Variants in SLC24A3 observed in about 807,000 individuals in gnomAD.
SLC24A3 encodes solute carrier family 24 member 3.
SLC24A3 carries 28 observed loss-of-function variants against 75.8 expected under a neutral mutation model. That is an observed-to-expected ratio of 0.37 (90% CI 0.27 to 0.51). The LOEUF is 0.51. Ranked by LOEUF, SLC24A3 falls within the 20% of genes least tolerant of loss-of-function variation. The pLI is 0.94. For synonymous variants in SLC24A3, 372 were observed against 334.1 expected (o/e 1.11, Z -1.24); for missense variants, 663 against 847.8 (o/e 0.78, Z 2.71).
chr20:19,631,791 A>AGTGTGTGTGTGTGTGT lies in SLC24A3; in HGVS notation c.613-22254_613-22239dup, dbSNP rs148278633. ...CTCTGTATCTGTGTGTATGAGTGAG[A>AGTGTGTGTGTGTGTGT]GTGTGTGTGTGTGTGTGTGTGTGTG... is the stretch of plus-strand genomic sequence containing the variant. On this transcript the variant is annotated intron_variant, in intron 6 of 16. Coordinates refer to ENST00000328041, the MANE Select transcript of SLC24A3 (RefSeq NM_020689.4). Among the ~76,000 whole-genome samples the AGTGTGTGTGTGTGTGT allele has an allele frequency of 6.3e-3, 925 of 147,904 alleles. 7 individuals carry two copies. Among genetic ancestry groups the AGTGTGTGTGTGTGTGT allele is most frequent in the African/African-American group, 0.018 (719 of 39,702 alleles).
At chr20:19,543,009 T>C (rs1252061743) in intron 3 of SLC24A3, among the ~76,000 whole-genome samples, 1 of 152,208 alleles carries the variant, frequency 6.6e-6, no homozygotes, top group Non-Finnish European at 1.5e-5. Flanking sequence ...CATTAAGGTA[T>C]GTGTTTAAAG....
chr20:19,418,060 C>A lies in SLC24A3; in HGVS notation c.272-97428C>A, dbSNP rs1368619865. On this transcript the variant is annotated intron_variant, in intron 2 of 16. Transcript: ENST00000328041. ...GCAGTGAAACCCTGAAGGAAATAGT[C>A]TCATCCTTCACAGAAACAGAGCTTT... is the stretch of plus-strand genomic sequence containing the variant. Among the ~76,000 whole-genome samples the A allele has an allele frequency of 2.0e-5, 3 of 152,306 alleles. No individual in the cohort carries two copies. The East Asian group carries it at 5.8e-4, about 29-fold the overall frequency.
At chr20:19,490,446 G>T (rs1319897862) in intron 2 of SLC24A3, among the ~76,000 whole-genome samples, 1 of 152,182 alleles carries the variant, frequency 6.6e-6, no homozygotes, top group African/African-American at 2.4e-5. Context: ...TGACTTTCTG[G>T]AGAGAGGGAT....
intron 3 of SLC24A3, among the ~76,000 whole-genome samples, chr20:19,544,315 T>C (rs565976721): frequency 6.6e-6 from 1 of 152,302 alleles, no homozygotes; most frequent in South Asian, 2.1e-4. Context: ...CGTGGCCCTG[T>C]AGAAGCCCTT....
At chr20:19,324,555 T>C (rs1312233236) in intron 2 of SLC24A3, among the ~76,000 whole-genome samples, 2 of 152,202 alleles carry the variant, frequency 1.3e-5, no homozygotes, top group Non-Finnish European at 2.9e-5. Context: ...GGGTTCACTG[T>C]GCTCTTTGGC....
At chr20:19,679,276 G>A (rs1318478375) in intron 9 of SLC24A3, among the ~76,000 whole-genome samples, 7 of 152,188 alleles carry the variant, frequency 4.6e-5, no homozygotes, top group Admixed American at 1.3e-4. Context: ...CGAGGCTGGC[G>A]GATCACTCGC....
intron 2 of SLC24A3, among the ~76,000 whole-genome samples, chr20:19,439,526 T>C (rs1987264246): frequency 6.6e-6 from 1 of 152,220 alleles, no homozygotes; most frequent in Non-Finnish European, 1.5e-5. Context: ...ATATCCCATG[T>C]AACTCCATAC....
chr20:19,499,323 GT>G (rs1988349783), intron 2 of SLC24A3, among the ~76,000 whole-genome samples: 1 of 152,184 alleles, frequency 6.6e-6, no homozygotes, highest in Non-Finnish European at 1.5e-5. Flanking sequence ...ATTTCACACA[GT>G]TCTGGAAGCT....
At chr20:19,671,662 TG>T (rs2122727763) in intron 8 of SLC24A3, among the ~76,000 whole-genome samples, 1 of 152,124 alleles carries the variant, frequency 6.6e-6, no homozygotes, top group South Asian at 2.1e-4. Flanking sequence ...TTTGTTTTTT[TG>T]TTTTTTTGTT....
chr20:19,634,494 A>G (rs1417709740), intron 6 of SLC24A3, among the ~76,000 whole-genome samples: 1 of 152,212 alleles, frequency 6.6e-6, no homozygotes, highest in African/African-American at 2.4e-5. Context: ...TTTAATAATA[A>G]TAATACCTCA....
intron 8 of SLC24A3, among the ~76,000 whole-genome samples, chr20:19,667,938 C>G (rs898167284): frequency 6.6e-6 from 1 of 152,182 alleles, no homozygotes; most frequent in Non-Finnish European, 1.5e-5. Context: ...CCCTGAGCAC[C>G]GAGGCTCCCT....
intron 3 of SLC24A3, among the ~76,000 whole-genome samples, chr20:19,578,580 A>G (rs1279932114): frequency 6.6e-6 from 1 of 151,762 alleles, no homozygotes; most frequent in Non-Finnish European, 1.5e-5. Context: ...TGGATGTTCT[A>G]TGGCTATACT....
chr20:19,650,416 C>A (rs576245313), intron 6 of SLC24A3, among the ~76,000 whole-genome samples: 2 of 152,232 alleles, frequency 1.3e-5, no homozygotes, highest in Admixed American at 6.5e-5. Context: ...AAGACGCAAC[C>A]CACTCTAGAA....
chr20:19,503,839 C>T (rs539870112), intron 2 of SLC24A3, among the ~76,000 whole-genome samples: 83 of 152,266 alleles, frequency 5.5e-4, no homozygotes, highest in African/African-American at 1.9e-3. Context: ...ATACCAAATA[C>T]CTTCAAGCAG....
At chr20:19,326,618 C>T (rs1278350852) in intron 2 of SLC24A3, among the ~76,000 whole-genome samples, 1 of 148,832 alleles carries the variant, frequency 6.7e-6, no homozygotes, top group Non-Finnish European at 1.5e-5. Flanking sequence ...CCCTTGGTCT[C>T]CCAGGCTGGT....
chr20:19,669,727 GA>G, intron 8 of SLC24A3, among the ~76,000 whole-genome samples: 1 of 152,192 alleles, frequency 6.6e-6, no homozygotes, highest in East Asian at 1.9e-4. Flanking sequence ...TTGCAACCTG[GA>G]AACTCTTCTT....
chr20:19,339,710 A>G (rs1347259441), intron 2 of SLC24A3, among the ~76,000 whole-genome samples: 1 of 152,226 alleles, frequency 6.6e-6, no homozygotes, highest in Non-Finnish European at 1.5e-5. Flanking sequence ...GAAACCAACC[A>G]GGAGATAGGG....
At chr20:19,341,848 G>A (rs967505046) in intron 2 of SLC24A3, among the ~76,000 whole-genome samples, 6 of 152,124 alleles carry the variant, frequency 3.9e-5, no homozygotes, top group Non-Finnish European at 5.9e-5. Context: ...GATGCCCTCT[G>A]CAATGGGCAG....
chr20:19,595,582 T>C (rs1348428582), intron 6 of SLC24A3, among the ~76,000 whole-genome samples: 2 of 152,158 alleles, frequency 1.3e-5, no homozygotes, highest in Non-Finnish European at 2.9e-5. Context: ...TGAGACACAG[T>C]CATGAAACCG....
Sources: gnomAD v4.1 joint callset for allele counts (sites outside exome capture counted in the v4.1 genomes callset) on GRCh38, gnomAD v4.1.1 for gene constraint, MANE v1.5 for transcripts, NCBI Gene and HGNC (gene_info 2026-07-23, HGNC 2026-07-21) for gene names.